DLGAP2: variants seen among roughly 807,000 people sequenced by gnomAD.
DLGAP2 encodes the protein disks large-associated protein 2.
A neutral mutation model predicts 100.3 loss-of-function variants in DLGAP2; 26 were observed. The ratio of observed to expected loss-of-function variants is 0.26; its 90% CI spans 0.19 to 0.36. The LOEUF (loss-of-function observed/expected upper bound fraction) is 0.36, where lower values mean the gene tolerates loss of function less well. Ranked by LOEUF, DLGAP2 falls within the 10% of genes least tolerant of loss-of-function variation. The pLI is 1.00. For missense variants in DLGAP2, 1,858 were observed against 1,453.2 expected, an observed-to-expected ratio of 1.28 and a Z score of -4.53; for synonymous variants, 886 against 630.1, an observed-to-expected ratio of 1.41 and a Z score of -6.08.
chr8:1,175,778 C>T (rs867156125), intron 2 of DLGAP2, among the ~76,000 whole-genome samples: 2 of 152,192 alleles, frequency 1.3e-5, no homozygotes, highest in East Asian at 1.9e-4. Context: ...TATACCTCAT[C>T]GGGAAAGTAA....
chr8:1,622,462 G>C (rs1266491722), intron 6 of DLGAP2: 1 of 152,208 alleles, frequency 6.6e-6, no homozygotes, highest in Non-Finnish European at 1.5e-5. Flanking sequence ...CCTTTGTTAT[G>C]TATATTCGTT....
intron 6 of DLGAP2, among the ~76,000 whole-genome samples, chr8:1,596,935 T>C (rs1796477054): frequency 6.6e-6 from 1 of 152,362 alleles, no homozygotes; most frequent in South Asian, 2.1e-4. Context: ...ATGAAGTCTT[T>C]ACCAGTGCCT....
At chr8:819,388 T>C (rs1310502167) in intron 1 of DLGAP2, among the ~76,000 whole-genome samples, 1 of 152,168 alleles carries the variant, frequency 6.6e-6, no homozygotes. Flanking sequence ...GGTCAAGATA[T>C]GATCAGAAAC....
intron 2 of DLGAP2, among the ~76,000 whole-genome samples, chr8:1,230,613 A>G (rs1430280372): frequency 2.0e-5 from 3 of 152,230 alleles, no homozygotes; most frequent in Non-Finnish European, 4.4e-5. Context: ...AAACTGTACT[A>G]TAAACCTACA....
intron 3 of DLGAP2, among the ~76,000 whole-genome samples, chr8:1,481,471 C>CTTTTTTTTTTTTTTTTTTTTTTTT (rs1165790168): frequency 4.6e-5 from 2 of 43,668 alleles, no homozygotes; most frequent in Non-Finnish European, 9.1e-5. Context: ...TTTTCTTTTT[C>CTTTTTTTTTTTTTTTTTTTTTTTT]TTTTTTTTTT....
At chr8:820,107 A>G (rs1796556776) in intron 1 of DLGAP2, among the ~76,000 whole-genome samples, 1 of 152,270 alleles carries the variant, frequency 6.6e-6, no homozygotes, top group African/African-American at 2.4e-5. Flanking sequence ...AACATTTTCA[A>G]GTTAGTCAGG....
At chr8:962,734 C>T (rs1005268014) in intron 2 of DLGAP2, among the ~76,000 whole-genome samples, 1 of 152,182 alleles carries the variant, frequency 6.6e-6, no homozygotes, top group African/African-American at 2.4e-5. Context: ...GCTATGACTC[C>T]ACAGGGGTGG....
In DLGAP2 at chr8:1,070,158, C is replaced by T. The variant is rs975388792; in HGVS notation, c.73+162192C>T. On this transcript the variant is annotated intron_variant, in intron 2 of 14. Transcript: ENST00000637795. ...GGCATCTTGTGCACCTCTTTGCTCT[C>T]TGCTCTTTGACTTCAGCTGATTTGT... Among the ~76,000 whole-genome samples, 6 of 152,346 alleles carry T rather than the reference C, an allele frequency of 3.9e-5. No homozygotes were observed. In the South Asian group the frequency reaches 6.2e-4, roughly 16 times the overall value.
chr8:1,111,756 A>G (rs1804965456), intron 2 of DLGAP2, among the ~76,000 whole-genome samples: 3 of 152,148 alleles, frequency 2.0e-5, no homozygotes, highest in Non-Finnish European at 2.9e-5. Context: ...TTATGGCTGT[A>G]TAGTATTCCA....
At chr8:1,584,568 C>A (rs1259322898) in intron 6 of DLGAP2, among the ~76,000 whole-genome samples, 1 of 152,140 alleles carries the variant, frequency 6.6e-6, no homozygotes, top group Non-Finnish European at 1.5e-5. Context: ...GCAACCGTTG[C>A]CAGCACGTGC....
At chr8:943,583 C>T (rs1343137881) in intron 2 of DLGAP2, among the ~76,000 whole-genome samples, 4 of 151,784 alleles carry the variant, frequency 2.6e-5, no homozygotes, top group Non-Finnish European at 5.9e-5. Context: ...ACAAGCACAG[C>T]GAGAACCGCT....
At chr8:988,618 AC>A (rs976122744) in intron 2 of DLGAP2, among the ~76,000 whole-genome samples, 1 of 151,706 alleles carries the variant, frequency 6.6e-6, no homozygotes, top group Admixed American at 6.6e-5. Flanking sequence ...CTGATGTCCC[AC>A]CCCACGTGGA....
intron 3 of DLGAP2, among the ~76,000 whole-genome samples, chr8:1,358,791 G>GGAACC (rs915260837): frequency 6.6e-5 from 10 of 152,134 alleles, no homozygotes; most frequent in Admixed American, 6.5e-4. Flanking sequence ...TGGGCGGCCT[G>GGAACC]GAACCGAACT....
intron 2 of DLGAP2, among the ~76,000 whole-genome samples, chr8:1,078,589 C>T (rs1421327522): frequency 6.6e-6 from 1 of 152,096 alleles, no homozygotes; most frequent in East Asian, 1.9e-4. Context: ...TAACCCCTAG[C>T]AAACACTGAT....
chr8:859,882 C>A (rs1003192177), intron 1 of DLGAP2, among the ~76,000 whole-genome samples: 1 of 152,126 alleles, frequency 6.6e-6, no homozygotes, highest in Non-Finnish European at 1.5e-5. Context: ...GGTTTATAAA[C>A]GCACACATGA....
chr8:932,221 C>T (rs1366825818), intron 2 of DLGAP2, among the ~76,000 whole-genome samples: 1 of 152,230 alleles, frequency 6.6e-6, no homozygotes, highest in Admixed American at 6.5e-5. Context: ...TCCATAAACA[C>T]ACATGCAGTC....
At chr8:1,046,383 G>T (rs890235959) in intron 2 of DLGAP2, among the ~76,000 whole-genome samples, 1 of 152,116 alleles carries the variant, frequency 6.6e-6, no homozygotes, top group Non-Finnish European at 1.5e-5. Flanking sequence ...TGTACTTCAT[G>T]ATCTAAATTC....
chr8:1,619,819 G>A (rs922075711), intron 6 of DLGAP2: 1 of 152,206 alleles, frequency 6.6e-6, no homozygotes, highest in Non-Finnish European at 1.5e-5. Flanking sequence ...GGATCTCAAT[G>A]TGGGCTTTCA....
At chr8:1,454,257 C>T (rs1192838125) in intron 3 of DLGAP2, among the ~76,000 whole-genome samples, 1 of 152,222 alleles carries the variant, frequency 6.6e-6, no homozygotes, top group East Asian at 1.9e-4. Context: ...AGCGTCCCCA[C>T]TTGGGAGGTG....
Sources: allele counts gnomAD v4.1 joint callset (sites outside exome capture counted in the v4.1 genomes callset), GRCh38; gene constraint gnomAD v4.1.1; transcripts MANE v1.5; gene names NCBI Gene and HGNC (gene_info 2026-07-23, HGNC 2026-07-21).